Variants in ABCG1 observed in about 807,000 individuals in gnomAD.
ABCG1 encodes the protein ATP binding cassette subfamily G member 1.
Under a neutral mutation model 69.2 loss-of-function variants are expected in ABCG1, and 29 were observed. That is an observed-to-expected ratio of 0.42 (90% CI 0.31 to 0.57). The LOEUF is 0.57. Ranked by LOEUF, ABCG1 falls within the 20% of genes least tolerant of loss-of-function variation. The probability of loss-of-function intolerance (pLI) is 0.15; values close to 1 mark genes in which losing one functional copy is unlikely to be tolerated. For synonymous variants in ABCG1, 370 were observed against 374.8 expected (o/e 0.99, Z 0.15); for missense variants, 718 against 898.1 (o/e 0.80, Z 2.56).
rs546378845 is a variant in ABCG1, at chr21:42,227,995, A to T, written c.286+2081A>T. Among the ~76,000 whole-genome samples the T allele has an allele frequency of 7.2e-5, 11 of 152,322 alleles. No homozygotes were observed. The East Asian group carries it at 2.1e-3, about 29-fold the overall frequency. On this transcript the variant is annotated intron_variant, in intron 2 of 14. Transcript: ENST00000398449. ...CCCTCCCTTGACACGTGGGGATTAC[A>T]ATTCAAGATGAGATTTGGGTGGGGA...
intron 2 of ABCG1, among the ~76,000 whole-genome samples, chr21:42,230,778 A>C (rs1368223411): frequency 1.3e-5 from 2 of 152,206 alleles, no homozygotes; most frequent in Non-Finnish European, 2.9e-5. Context: ...CGCGTAGTTG[A>C]CTGAATGATA....
chr21:42,237,394 C>T (rs935045087), intron 2 of ABCG1, among the ~76,000 whole-genome samples: 2 of 152,206 alleles, frequency 1.3e-5, no homozygotes, highest in African/African-American at 4.8e-5. Context: ...CTACCAAGAA[C>T]CCACCTCATC....
At chr21:42,215,474 T>G (rs1027408593), upstream of ABCG1, among the ~76,000 whole-genome samples, 15 of 152,210 alleles carry the variant, frequency 9.9e-5, no homozygotes, top group Non-Finnish European at 7.3e-5. Context: ...TTGACTCCAC[T>G]CGAAGTCAAC....
chr21:42,218,688 A>T (rs2067669956), upstream of ABCG1, among the ~76,000 whole-genome samples: 1 of 142,144 alleles, frequency 7.0e-6, no homozygotes, highest in Non-Finnish European at 1.6e-5. Context: ...CCTACCTGGC[A>T]GAGAGCTGCC....
Position 42,201,837 on chromosome 21 carries a change from G to A in ABCG1, c.48+114G>A, listed in dbSNP as rs1312563837. On this transcript the variant is annotated intron_variant, in intron 2 of 15. Transcript: ENST00000398457. ...AGTCTAGAGATGATTCTTGGTGTGG[G>A]CTGTGGGAGCTCCTGCGGTGTAGTT... 1.9e-6 allele frequency: 3 copies of A among 1,575,034 alleles called. No homozygotes were observed. In the East Asian group the frequency reaches 7.0e-5, roughly 37 times the overall value.
intron 2 of ABCG1, among the ~76,000 whole-genome samples, chr21:42,268,202 G>A (rs985841174): frequency 1.3e-5 from 2 of 152,220 alleles, no homozygotes; most frequent in Admixed American, 6.5e-5. Flanking sequence ...GGAGGCAGGT[G>A]CATGTCCATT....
In ABCG1 at chr21:42,291,946, G is replaced by A. The variant is rs2069070611; in HGVS notation, c.1653+290G>A. Among the ~76,000 whole-genome samples, 1 of 152,176 alleles carries A rather than the reference G, an allele frequency of 6.6e-6. No individual in the cohort carries two copies. The highest frequency in any genetic ancestry group is 2.4e-5 in the African/African-American group (1 of 41,442). On this transcript the variant is annotated intron_variant, in intron 13 of 14. Transcript: ENST00000398449. The surrounding 1 kb of genome is among the most constrained non-coding windows in gnomAD (Gnocchi z 6.4). ...AAGCACAGCCACGCTTAGGTGCTGT[G>A]CTGGCCCCATTTTACATAGGGGAGC... is the stretch of plus-strand genomic sequence containing the variant.
At chr21:42,280,721 G>A (rs937179518) in intron 5 of ABCG1, among the ~76,000 whole-genome samples, 2 of 152,200 alleles carry the variant, frequency 1.3e-5, no homozygotes, top group Admixed American at 6.5e-5. Flanking sequence ...CCGTGAGGGT[G>A]GAGGGAGAGA....
intron 13 of ABCG1, among the ~76,000 whole-genome samples, chr21:42,294,205 G>GC (rs1321785916): frequency 2.6e-5 from 4 of 152,122 alleles, no homozygotes; most frequent in South Asian, 2.1e-4. Flanking sequence ...CAGGCACTTA[G>GC]CCCCCCCGGG....
At position 42,229,037 on chromosome 21, in the gene ABCG1, T is replaced by A. The variant is rs1180044968; in HGVS notation, c.286+3123T>A. The stretch of plus-strand genomic sequence containing the variant: ...CCTCTGCGCCTGCTGGTCCACCAAG[T>A]CGGCCTCTTTTGCCCCTCCCATGCA... On this transcript the variant is annotated intron_variant, in intron 2 of 14. Transcript: ENST00000398449. Among the ~76,000 whole-genome samples the A allele has an allele frequency of 2.6e-5, 4 of 152,206 alleles. No homozygotes were observed. In the East Asian group the frequency reaches 7.7e-4, roughly 29 times the overall value.
At chr21:42,281,748 G>A (rs1274765509) in intron 5 of ABCG1, among the ~76,000 whole-genome samples, 1 of 152,158 alleles carries the variant, frequency 6.6e-6, no homozygotes, top group Non-Finnish European at 1.5e-5. Context: ...GATGACAAGA[G>A]TGCTGGGAAC....
chr21:42,278,869 T>C (rs1271988486), intron 5 of ABCG1, among the ~76,000 whole-genome samples: 1 of 152,018 alleles, frequency 6.6e-6, no homozygotes, highest in African/African-American at 2.4e-5. Context: ...ACTCTCCCTG[T>C]CTGAGGTCAG....
At chr21:42,275,546 C>T (rs1005087579) in intron 4 of ABCG1, among the ~76,000 whole-genome samples, 3 of 152,168 alleles carry the variant, frequency 2.0e-5, no homozygotes, top group South Asian at 2.1e-4. Context: ...TTGGGTAGCC[C>T]GAGTTTGACT....
In ABCG1 at chr21:42,291,528, G is replaced by T. The variant is rs374879637; in HGVS notation, c.1525G>T (p.Val509Leu). The T allele has an allele frequency of 1.2e-6, 2 of 1,613,582 alleles. No homozygotes were observed. The highest frequency in any genetic ancestry group is 1.7e-6 in the Non-Finnish European group (2 of 1,179,770). The change falls in exon 13 of 15, where the codon GTG becomes TTG. Residue 509 changes from valine (V) to leucine (L), a missense_variant. Val to Leu is a conservative substitution (Grantham distance 32, BLOSUM62 1). Around this residue, in one of 2 missense-constraint regions of ABCG1, gnomAD observed 204 missense variants for 323.8 expected, o/e 0.63. Transcript: ENST00000398449. This position sits in a 1 kb window ranked among gnomAD's most constrained non-coding sequence, Gnocchi z 6.4. ...IMFPVAYCSIVYWMTSQPSDA... is the reference protein window; with the variant it reads ...IMFPVAYCSILYWMTSQPSDA... ...GTTCCCAGTGGCCTACTGCAGCATC[G>T]TGTACTGGATGACGTCGCAGCCGTC...
At chr21:42,266,066 C>T (rs2068499213) in intron 2 of ABCG1, among the ~76,000 whole-genome samples, 1 of 152,104 alleles carries the variant, frequency 6.6e-6, no homozygotes, top group African/African-American at 2.4e-5. Flanking sequence ...CTTTGGGAGG[C>T]CCACGTGGGC....
At chr21:42,220,076 A>G in intron 1 of ABCG1, 1 of 1,535,966 alleles carries the variant, frequency 6.5e-7, no homozygotes, top group Admixed American at 2.0e-5. Context: ...GTGGTCAGGA[A>G]TCTCCCTTTC....
At chr21:42,252,198 G>A (rs1003231240) in intron 2 of ABCG1, among the ~76,000 whole-genome samples, 5 of 152,228 alleles carry the variant, frequency 3.3e-5, no homozygotes, top group Admixed American at 6.5e-5. Flanking sequence ...CAATGTAAAT[G>A]TTCAGGGAGA....
At position 42,291,692 on chromosome 21, in the gene ABCG1, G is replaced by T. The variant is rs372155784; in HGVS notation, c.1653+36G>T. 1.2e-5 allele frequency: 19 copies of T among 1,558,254 alleles called. No homozygotes were observed. The highest frequency in any genetic ancestry group is 5.4e-5 in the African/African-American group (4 of 73,680). On this transcript the variant is annotated intron_variant, in intron 13 of 14. Transcript: ENST00000398449. This position sits in a 1 kb window ranked among gnomAD's most constrained non-coding sequence, Gnocchi z 6.4. ...AGGAGGCGCTAAGTGAGGGCATGAC[G>T]GCTGGGCTTCCCTGAGCTACCTTGG...
At chr21:42,246,401 AAAT>A (rs940849812) in intron 2 of ABCG1, among the ~76,000 whole-genome samples, 3 of 152,226 alleles carry the variant, frequency 2.0e-5, no homozygotes, top group Non-Finnish European at 2.9e-5. Context: ...TATTTTCATA[AAAT>A]AATCTCAGTC....
Sources: allele counts gnomAD v4.1 joint callset (sites outside exome capture counted in the v4.1 genomes callset), GRCh38; gene constraint gnomAD v4.1.1; regional missense constraint gnomAD v4.1.1; non-coding constraint Gnocchi (gnomAD v3.1); transcripts MANE v1.5; gene names NCBI Gene and HGNC (gene_info 2026-07-23, HGNC 2026-07-21).